The following CBFA2T3 variants were observed in gnomAD, a reference collection of about 807,000 sequenced individuals.
CBFA2T3 encodes the protein transcriptional corepressor CBFA2T3.
CBFA2T3 carries 31 observed loss-of-function variants against 58.6 expected under a neutral mutation model. The observed-to-expected ratio is 0.53, with a 90% confidence interval of 0.40 to 0.71. The LOEUF is 0.71. CBFA2T3 is among the 30% of genes least tolerant of loss of function. CBFA2T3 has a pLI of 0.00. For synonymous variants in CBFA2T3, 531 were observed against 421.9 expected (o/e 1.26, Z -3.17); for missense variants, 1,076 against 963.1 (o/e 1.12, Z -1.55).
chr16:88,916,753 C>G (rs1000110087), intron 1 of CBFA2T3, among the ~76,000 whole-genome samples: 1 of 152,112 alleles, frequency 6.6e-6, no homozygotes, highest in Non-Finnish European at 1.5e-5. Flanking sequence ...TGCCTCTTGG[C>G]CACTGGCACA....
intron 1 of CBFA2T3, among the ~76,000 whole-genome samples, chr16:88,929,072 G>C (rs491224): frequency 2.0e-5 from 3 of 152,028 alleles, no homozygotes; most frequent in Admixed American, 1.3e-4. Context: ...TCTGGCTGCC[G>C]AGTGCAAAAT....
intron 1 of CBFA2T3, among the ~76,000 whole-genome samples, chr16:88,922,435 G>A (rs1400036744): frequency 6.6e-6 from 1 of 152,248 alleles, no homozygotes; most frequent in African/African-American, 2.4e-5. Context: ...GGGCACCAGC[G>A]TGGGCGCAGT....
Position 88,877,189 on chromosome 16 carries a change from C to G in CBFA2T3, c.1749G>C (p.Arg583=), listed in dbSNP as rs1968869879. The G allele has an allele frequency of 5.1e-6, 8 of 1,554,668 alleles. No individual in the cohort carries two copies. The highest frequency in any genetic ancestry group is 6.1e-6 in the Non-Finnish European group (7 of 1,149,538). ...ARYCGSFCQH[R]DWEKHHHVCG... Reference sequence around the variant, plus strand: ...ACACGTGGTGATGCTTCTCCCAGTCCCGATGCTGGCAGAAGGACCCGCAGT... The same window carrying G: ...ACACGTGGTGATGCTTCTCCCAGTCGCGATGCTGGCAGAAGGACCCGCAGT... Residue 583 remains arginine, a synonymous_variant, in exon 12 of 12, where the codon CGG becomes CGC. Coordinates refer to ENST00000268679, the MANE Select transcript of CBFA2T3 (RefSeq NM_005187.6).
At chr16:88,951,319 C>T (rs1463857867) in intron 1 of CBFA2T3, 1 of 457,594 alleles carries the variant, frequency 2.2e-6, no homozygotes, top group Non-Finnish European at 4.4e-6. Context: ...GTGTTGGCAC[C>T]TGTCTTCTGG....
chr16:88,952,520 A>G (rs1017844909), intron 1 of CBFA2T3, among the ~76,000 whole-genome samples: 10 of 151,904 alleles, frequency 6.6e-5, no homozygotes, highest in Non-Finnish European at 1.5e-4. Context: ...TCAGCAAGAC[A>G]AATGCGGCCC....
chr16:88,934,147 G>A (rs893194158), intron 1 of CBFA2T3, among the ~76,000 whole-genome samples: 1 of 134,922 alleles, frequency 7.4e-6, no homozygotes, highest in Non-Finnish European at 1.5e-5. Flanking sequence ...GGGAGAGGCC[G>A]CCCCTCGGCA....
intron 3 of CBFA2T3, among the ~76,000 whole-genome samples, chr16:88,893,212 G>A (rs1969721726): frequency 1.4e-5 from 2 of 143,550 alleles, no homozygotes; most frequent in African/African-American, 5.4e-5. Context: ...CCAGCCCTGA[G>A]CAATGTGCCT....
intron 1 of CBFA2T3, among the ~76,000 whole-genome samples, chr16:88,909,502 G>C (rs7405380): frequency 0.38 from 56,642 of 150,878 alleles, 10,849 homozygotes; most frequent in African/African-American, 0.46. Flanking sequence ...AGCTGGGACG[G>C]AGGACGCCAC....
At chr16:88,951,717 G>A (rs930903971) in intron 1 of CBFA2T3, among the ~76,000 whole-genome samples, 5 of 152,178 alleles carry the variant, frequency 3.3e-5, no homozygotes, top group East Asian at 3.9e-4. Flanking sequence ...GTGACCACAC[G>A]CGGCCAATCA....
chr16:88,878,716 C>T (rs576539835), intron 11 of CBFA2T3, among the ~76,000 whole-genome samples: 2 of 152,298 alleles, frequency 1.3e-5, no homozygotes, highest in East Asian at 1.9e-4. Context: ...GATGCCGAGG[C>T]GGGTGGATCA....
rs1174369140 is a variant in CBFA2T3 at position 88,885,849 on chromosome 16, C to T, written c.893+112G>A. 1.3e-5 allele frequency: 13 copies of T among 966,484 alleles called. No homozygotes were observed. Among genetic ancestry groups the T allele is most frequent in the African/African-American group, 1.6e-5 (1 of 60,882 alleles). The allele number at this position is 966,484 out of a possible 1,614,324, so 59.9% of individuals were successfully genotyped here. On this transcript the variant is annotated intron_variant, in intron 6 of 11. Transcript: ENST00000268679. The surrounding 1 kb of genome is among the most constrained non-coding windows in gnomAD (Gnocchi z 5.3). The stretch of plus-strand genomic sequence containing the variant: ...CCACGCTCCCTCAGCCCGAGAGAGC[C>T]GGCCGGGCTGGCTGCAGCCCCAGAG...
At chr16:88,888,059 C>A (rs1181331674) in intron 5 of CBFA2T3, among the ~76,000 whole-genome samples, 2 of 152,118 alleles carry the variant, frequency 1.3e-5, no homozygotes, top group Non-Finnish European at 2.9e-5. Flanking sequence ...CGCTGTGGAG[C>A]CTCTGGCCGA....
chr16:88,941,193 G>T, intron 1 of CBFA2T3: 1 of 981,582 alleles, frequency 1.0e-6, no homozygotes, highest in Non-Finnish European at 1.2e-6. Context: ...GGCGCGCGGG[G>T]CGGCCGCCTG....
chr16:88,913,822 CTA>C (rs1296808467), intron 1 of CBFA2T3, among the ~76,000 whole-genome samples: 1 of 152,170 alleles, frequency 6.6e-6, no homozygotes. Context: ...CGACACAAAA[CTA>C]AGGAACCTGA....
At chr16:88,938,812 C>G (rs927800749) in intron 1 of CBFA2T3, 1 of 152,268 alleles carries the variant, frequency 6.6e-6, no homozygotes, top group African/African-American at 2.4e-5. Flanking sequence ...TCCTTCCACC[C>G]TGGCACTGTG....
In CBFA2T3 at chr16:88,876,466, G is replaced by A. The variant is rs566190087; in HGVS notation, c.*510C>T. 33 of 231,332 alleles carry A rather than the reference G, an allele frequency of 1.4e-4. No individual in the cohort carries two copies. The highest frequency in any genetic ancestry group is 2.8e-4 in the Admixed American group (5 of 17,712). 14.3% of individuals were successfully genotyped at this position (231,332 alleles called of 1,614,324 possible). ...TAATCAGGAGGGGGAGAACCCCCCC[G>A]TTTTCTTTGTCCATTTCTGAGTAGC... On this transcript the variant is annotated 3_prime_UTR_variant, in exon 12 of 12. Transcript: ENST00000268679.
chr16:88,949,436 G>A (rs979743942), intron 1 of CBFA2T3, among the ~76,000 whole-genome samples: 3 of 152,036 alleles, frequency 2.0e-5, no homozygotes, highest in Non-Finnish European at 2.9e-5. Flanking sequence ...GTGTGTGCCT[G>A]TAGTCCCAGC....
At chr16:88,975,739 C>T (rs748991141) in intron 1 of CBFA2T3, among the ~76,000 whole-genome samples, 2 of 152,260 alleles carry the variant, frequency 1.3e-5, no homozygotes, top group Non-Finnish European at 2.9e-5. Flanking sequence ...GCCCTGGGGC[C>T]CCACGGGCAG....
Position 88,885,214 on chromosome 16 carries a change from G to A in CBFA2T3, c.949C>T (p.Arg317Trp), listed in dbSNP as rs1432631709. The stretch of plus-strand genomic sequence containing the variant: ...TGGGCAGGGTTCAGGGTGCATGGCC[G>A]TTTGCTGAGGTGCTCGGGGTGCAGC... ...DPLHPEHLSK[R>W]PCTLNPAQRY... The change falls in exon 7 of 12, where the codon CGG (arginine) becomes TGG (tryptophan). Residue 317 changes from arginine (R) to tryptophan (W), a missense_variant. Transcript: ENST00000268679. This position sits in a 1 kb window ranked among gnomAD's most constrained non-coding sequence, Gnocchi z 5.3. 9.4e-6 allele frequency: 15 copies of A among 1,593,854 alleles called. No individual in the cohort carries two copies. Among genetic ancestry groups the A allele is most frequent in the Admixed American group, 1.7e-5 (1 of 58,904 alleles).
Sources: gnomAD v4.1 joint callset for allele counts (sites outside exome capture counted in the v4.1 genomes callset) on GRCh38, gnomAD v4.1.1 for gene constraint, Gnocchi (gnomAD v3.1) non-coding constraint, MANE v1.5 for transcripts, NCBI Gene and HGNC (gene_info 2026-07-23, HGNC 2026-07-21) for gene names.